Variants in DTNB observed in about 807,000 individuals in gnomAD.
The protein encoded by DTNB is dystrobrevin beta.
DTNB carries 63 observed loss-of-function variants against 90.7 expected under a neutral mutation model. The observed-to-expected ratio is 0.69, with a 90% CI of 0.57 to 0.86. The LOEUF is 0.86. Among genes scored for constraint, DTNB ranks in the 40% least tolerant of loss-of-function variants. DTNB has a pLI of 0.00. For synonymous variants in DTNB, 277 were observed against 286.7 expected (o/e 0.97, Z 0.34); for missense variants, 744 against 807.1 (o/e 0.92, Z 0.95).
chr2:25,388,888 C>T (rs1311791828), intron 16 of DTNB, among the ~76,000 whole-genome samples: 1 of 151,672 alleles, frequency 6.6e-6, no homozygotes, highest in Non-Finnish European at 1.5e-5. Context: ...TGCTTTGTTG[C>T]CCAGGTGGAG....
At chr2:25,586,239 G>A (rs531723575) in intron 6 of DTNB, among the ~76,000 whole-genome samples, 33 of 152,158 alleles carry the variant, frequency 2.2e-4, no homozygotes, top group African/African-American at 7.0e-4. Flanking sequence ...GGCCAGGTGC[G>A]GTGGCTCACA....
At chr2:25,646,405 GA>G (rs1338372225) in intron 2 of DTNB, among the ~76,000 whole-genome samples, 1 of 151,894 alleles carries the variant, frequency 6.6e-6, no homozygotes, top group Non-Finnish European at 1.5e-5. Context: ...CAGGGAGGCG[GA>G]GATTGCAGTG....
intron 4 of DTNB, among the ~76,000 whole-genome samples, chr2:25,619,316 G>A (rs2071755707): frequency 6.6e-6 from 1 of 152,142 alleles, no homozygotes; most frequent in African/African-American, 2.4e-5. Context: ...AACGTAATAA[G>A]AGCATCTCTC....
At chr2:25,639,761 G>C (rs1396271072) in intron 2 of DTNB, among the ~76,000 whole-genome samples, 1 of 152,242 alleles carries the variant, frequency 6.6e-6, no homozygotes, top group Non-Finnish European at 1.5e-5. Context: ...CAGAAGTACA[G>C]TGCGGGACTT....
chr2:25,535,000 G>A (rs1239839959), intron 8 of DTNB, among the ~76,000 whole-genome samples: 26 of 143,684 alleles, frequency 1.8e-4, no homozygotes, highest in Admixed American at 1.5e-3. Flanking sequence ...GACGAAGAGC[G>A]GCCGGGCAGA....
intron 18 of DTNB, among the ~76,000 whole-genome samples, chr2:25,385,204 C>T (rs549851540): frequency 1.3e-5 from 2 of 151,974 alleles, no homozygotes; most frequent in South Asian, 2.1e-4. Context: ...TTCTAGGATT[C>T]GATTATCTGT....
chr2:25,458,667 T>TG (rs892326098), intron 10 of DTNB, among the ~76,000 whole-genome samples: 6 of 151,382 alleles, frequency 4.0e-5, no homozygotes, highest in African/African-American at 1.5e-4. Flanking sequence ...ATTTTTGAGA[T>TG]GGAGTCTTGC....
intron 5 of DTNB, among the ~76,000 whole-genome samples, chr2:25,597,773 G>A (rs967538086): frequency 6.6e-6 from 1 of 152,170 alleles, no homozygotes; most frequent in South Asian, 2.1e-4. Context: ...CCAAGTGCAA[G>A]CGCTCTGTTA....
chr2:25,552,841 ATTTTTTTT>A (rs544243784), intron 8 of DTNB, among the ~76,000 whole-genome samples: 21 of 86,032 alleles, frequency 2.4e-4, no homozygotes, highest in African/African-American at 8.4e-4. Context: ...TCTCTTTTTG[ATTTTTTTT>A]TTTTTTTTTT....
In DTNB at chr2:25,388,223, C is replaced by T. The variant is rs556788503; in HGVS notation, c.1714G>A (p.Val572Met). 30 of 1,584,470 alleles carry T rather than the reference C, an allele frequency of 1.9e-5. No homozygotes were observed. Among genetic ancestry groups the T allele is most frequent in the Middle Eastern group, 3.3e-4 (2 of 6,022 alleles). The change falls in exon 17 of 21, where the codon GTG becomes ATG. Residue 572 changes from valine (V) to methionine (M), a missense_variant. Physicochemically the swap from Val to Met is conservative, Grantham distance 21 (BLOSUM62 1). Coordinates refer to ENST00000406818, the MANE Select transcript of DTNB (RefSeq NM_021907.5). ...QDSLSGVGGD[V>M]QEAFAQGTRR... ...TCACCTTGTGCGAAGGCCTCCTGCACGTCTCCCCCGACTCCGCTCAGCGAG... is the reference window on the plus strand; with the variant it reads ...TCACCTTGTGCGAAGGCCTCCTGCATGTCTCCCCCGACTCCGCTCAGCGAG...
At chr2:25,419,100 C>A in intron 16 of DTNB, 1 of 196,006 alleles carries the variant, frequency 5.1e-6, no homozygotes, top group South Asian at 1.1e-4. Flanking sequence ...GACTGCAGGA[C>A]ATCTATAGTT....
intron 8 of DTNB, among the ~76,000 whole-genome samples, chr2:25,573,795 A>C (rs1372533433): frequency 6.6e-6 from 1 of 152,152 alleles, no homozygotes; most frequent in East Asian, 1.9e-4. Context: ...CTAAGACAAT[A>C]ACACACATCT....
chr2:25,633,905 C>T (rs1320906998), intron 3 of DTNB, among the ~76,000 whole-genome samples: 6 of 151,830 alleles, frequency 4.0e-5, no homozygotes, highest in Middle Eastern at 6.8e-3. Context: ...CCGGCCGCAC[C>T]GTCTGAGAAG....
intron 8 of DTNB, among the ~76,000 whole-genome samples, chr2:25,571,810 T>TG (rs2059909909): frequency 1.3e-5 from 2 of 151,870 alleles, no homozygotes; most frequent in African/African-American, 4.8e-5. Context: ...ATATCGGCAG[T>TG]GGGGGGTAAA....
At chr2:25,624,213 A>T (rs1395069630) in intron 4 of DTNB, among the ~76,000 whole-genome samples, 2 of 152,198 alleles carry the variant, frequency 1.3e-5, no homozygotes, top group Non-Finnish European at 2.9e-5. Flanking sequence ...CCACCCTTCC[A>T]GATCAAACCA....
chr2:25,592,084 A>AAT (rs1225943551), intron 6 of DTNB, among the ~76,000 whole-genome samples: 1 of 150,172 alleles, frequency 6.7e-6, no homozygotes, highest in African/African-American at 2.5e-5. Context: ...AAAAAAAAAA[A>AAT]ATATGCCTAC....
At chr2:25,620,932 C>T (rs11681084) in intron 4 of DTNB, among the ~76,000 whole-genome samples, 39,626 of 152,142 alleles carry the variant, frequency 0.26, 5,989 homozygotes, top group Non-Finnish European at 0.35. Context: ...GAGGCTGAAG[C>T]AGGAGAACTG....
intron 8 of DTNB, among the ~76,000 whole-genome samples, chr2:25,533,964 A>C (rs897006107): frequency 1.3e-5 from 2 of 148,286 alleles, no homozygotes; most frequent in Non-Finnish European, 3.0e-5. Flanking sequence ...TTATTTATTT[A>C]TTTATTTTTT....
intron 5 of DTNB, chr2:25,598,884 C>CTGAA (rs2065219878): frequency 6.6e-6 from 1 of 151,830 alleles, no homozygotes; most frequent in Admixed American, 6.6e-5. Context: ...AAAATAAAGA[C>CTGAA]TGAATAGGAA....
Sources: gnomAD v4.1 joint callset for allele counts (sites outside exome capture counted in the v4.1 genomes callset) on GRCh38, gnomAD v4.1.1 for gene constraint, MANE v1.5 for transcripts, NCBI Gene and HGNC (gene_info 2026-07-23, HGNC 2026-07-21) for gene names.